STIL: variants seen among roughly 807,000 people sequenced by gnomAD.
STIL encodes the protein STIL centriolar assembly protein, also known as SCL-interrupting locus protein.
In STIL, 55 loss-of-function variants were observed where a neutral mutation model predicts 110.1. That is an observed-to-expected ratio of 0.50 (90% CI 0.40 to 0.63). The LOEUF (loss-of-function observed/expected upper bound fraction) is 0.63. Among genes scored for constraint, STIL ranks in the 20% least tolerant of loss-of-function variants. STIL has a pLI of 0.00. For synonymous variants in STIL, 481 were observed against 530.0 expected (o/e 0.91, Z 1.27); for missense variants, 1,358 against 1,530.0 (o/e 0.89, Z 1.87).
At chr1:47,289,933 G>A (rs1240339832) in intron 8 of STIL, among the ~76,000 whole-genome samples, 9 of 96,826 alleles carry the variant, frequency 9.3e-5, no homozygotes, top group African/African-American at 1.1e-4. Context: ...GCAAGACTCC[G>A]TCTCCAAAAA....
chr1:47,288,110 CAT>C (rs1172142199), intron 9 of STIL, among the ~76,000 whole-genome samples: 2 of 148,180 alleles, frequency 1.3e-5, no homozygotes, highest in Non-Finnish European at 3.0e-5. Flanking sequence ...AGATGTATAA[CAT>C]ATACATGATC....
At chr1:47,265,237 CAAA>C (rs61666574) in intron 14 of STIL, among the ~76,000 whole-genome samples, 384 of 51,648 alleles carry the variant, frequency 7.4e-3, no homozygotes, top group African/African-American at 0.025. Flanking sequence ...CTCCATCTCC[CAAA>C]AAAAAAAAAA....
At chr1:47,279,179 C>A (rs12405544) in intron 12 of STIL, among the ~76,000 whole-genome samples, 13 of 150,688 alleles carry the variant, frequency 8.6e-5, no homozygotes, top group East Asian at 2.0e-4. Context: ...GCTACTCCGG[C>A]GGCTGAGGCA....
At position 47,268,040 on chromosome 1, in the gene STIL, T is replaced by G. The variant is rs77138308; in HGVS notation, c.2615+1595A>C. 5.2e-3 allele frequency among the ~76,000 whole-genome samples: 792 copies of G among 152,228 alleles called. 2 individuals are homozygous for G. Among genetic ancestry groups the G allele is most frequent in the East Asian group, 0.03 (157 of 5,192 alleles). On this transcript the variant is annotated intron_variant, in intron 14 of 16. Coordinates refer to ENST00000371877, the MANE Select transcript of STIL (RefSeq NM_001048166.1). ...TTCATTTATACTCCTAGCCATTTCA[T>G]TCTCCCACAGAATTAATTTGAAGCA...
chr1:47,270,249 T>C (rs1205543804), intron 13 of STIL, among the ~76,000 whole-genome samples: 2,541 of 75,068 alleles, frequency 0.034, 60 homozygotes, highest in African/African-American at 0.066. Context: ...AAAATATATA[T>C]ATATATACAC....
intron 2 of STIL, among the ~76,000 whole-genome samples, chr1:47,308,303 T>C (rs892729375): frequency 6.6e-6 from 1 of 151,992 alleles, no homozygotes; most frequent in African/African-American, 2.4e-5. Context: ...TTTTGTACTC[T>C]GTCCTTTTAT....
At position 47,302,358 on chromosome 1, in the gene STIL, C is replaced by T. The variant is rs1259300732; in HGVS notation, c.153-12G>A. On this transcript the variant is annotated splice_polypyrimidine_tract_variant and intron_variant, in intron 3 of 16. Coordinates refer to ENST00000371877, the MANE Select transcript of STIL (RefSeq NM_001048166.1). Reference sequence around the variant, plus strand: ...CAAGCTTTGGATTTCTGAAAAACAACAAGTCTTTTATGAATATGGTAGACC... The same window carrying T: ...CAAGCTTTGGATTTCTGAAAAACAATAAGTCTTTTATGAATATGGTAGACC... 1 of 1,603,334 alleles carries T rather than the reference C, an allele frequency of 6.2e-7. No homozygotes were observed.
chr1:47,288,583 C>T (rs922506989), intron 9 of STIL, among the ~76,000 whole-genome samples: 10 of 151,880 alleles, frequency 6.6e-5, no homozygotes, highest in African/African-American at 1.2e-4. Context: ...AGGTGTGAGC[C>T]GCCACGCCTG....
chr1:47,265,912 G>A (rs537669250), intron 14 of STIL, among the ~76,000 whole-genome samples: 1 of 150,962 alleles, frequency 6.6e-6, no homozygotes, highest in Non-Finnish European at 1.5e-5. Context: ...TTAGCCTCCC[G>A]AACAGCTGGG....
chr1:47,259,275 C>T (rs1426342866), intron 16 of STIL, among the ~76,000 whole-genome samples: 5 of 137,984 alleles, frequency 3.6e-5, no homozygotes, highest in African/African-American at 5.5e-5. Flanking sequence ...TGTGAGGTAC[C>T]GCGCCCGGCC....
chr1:47,287,505 A>G (rs1237310265), intron 10 of STIL, 46 bp downstream of exon 10: 1 of 1,257,506 alleles, frequency 8.0e-7, no homozygotes, highest in Non-Finnish European at 1.1e-6. Flanking sequence ...ACTAATAAAT[A>G]TAATTTTTAA....
At chr1:47,285,759 G>A (rs919377153) in intron 10 of STIL, among the ~76,000 whole-genome samples, 3 of 151,184 alleles carry the variant, frequency 2.0e-5, no homozygotes, top group Non-Finnish European at 3.0e-5. Context: ...GGGCCTGGCC[G>A]AGAATATCTT....
At chr1:47,272,974 C>T (rs547778086) in intron 12 of STIL, among the ~76,000 whole-genome samples, 1 of 152,288 alleles carries the variant, frequency 6.6e-6, no homozygotes, top group African/African-American at 2.4e-5. Context: ...ATAACAATGG[C>T]TAACAGTTAC....
intron 5 of STIL, 132 bp from the exon 6 acceptor site, chr1:47,300,284 G>T (rs1316536839): frequency 3.3e-6 from 3 of 901,538 alleles, no homozygotes; most frequent in Non-Finnish European, 4.9e-6. Context: ...CTGATTTACA[G>T]CATTTCAGTT....
At chr1:47,295,707 TATC>T (rs1485343375) in intron 7 of STIL, 55 bp downstream of exon 7, 1 of 1,169,138 alleles carries the variant, frequency 8.6e-7, no homozygotes, top group Non-Finnish European at 1.3e-6. Flanking sequence ...GTCACATGCT[TATC>T]ATATACATTT....
At chr1:47,289,061 C>CAAAAAAAAAAA (rs371944423) in intron 9 of STIL, among the ~76,000 whole-genome samples, 2 of 83,482 alleles carry the variant, frequency 2.4e-5, no homozygotes, top group Non-Finnish European at 4.4e-5. Flanking sequence ...GATTCCATCT[C>CAAAAAAAAAAA]AAAAAAAAAA....
chr1:47,265,551 C>T (rs1489279018), intron 14 of STIL, among the ~76,000 whole-genome samples: 1 of 151,688 alleles, frequency 6.6e-6, no homozygotes, highest in Non-Finnish European at 1.5e-5. Context: ...GAGGCTGAGG[C>T]GGGCAGATCA....
chr1:47,291,085 T>C (rs776121971), intron 8 of STIL, among the ~76,000 whole-genome samples: 80 of 151,958 alleles, frequency 5.3e-4, no homozygotes, highest in Non-Finnish European at 7.8e-4. Flanking sequence ...CTTGGCCGGG[T>C]GCAGTGGCTC....
intron 13 of STIL, among the ~76,000 whole-genome samples, chr1:47,271,289 C>A (rs943323217): frequency 2.0e-5 from 3 of 152,042 alleles, no homozygotes; most frequent in Non-Finnish European, 4.4e-5. Flanking sequence ...AAAAAGTAGC[C>A]TGGGCACAGT....
Sources: allele counts gnomAD v4.1 joint callset (sites outside exome capture counted in the v4.1 genomes callset), GRCh38; gene constraint gnomAD v4.1.1; transcripts MANE v1.5; gene names NCBI Gene and HGNC (gene_info 2026-07-23, HGNC 2026-07-21).